The following STAU2 variants were observed in gnomAD, a reference collection of about 807,000 sequenced individuals.
STAU2 encodes staufen double-stranded RNA binding protein 2.
A neutral mutation model predicts 65.9 loss-of-function variants in STAU2; 20 were observed. The ratio of observed to expected loss-of-function variants is 0.30; its 90% CI spans 0.21 to 0.44. The LOEUF is 0.44. STAU2 is among the 20% of genes least tolerant of loss of function. The pLI, the probability that STAU2 is intolerant of heterozygous loss-of-function variation, is 1.00. For synonymous variants in STAU2, 232 were observed against 233.9 expected (o/e 0.99, Z 0.07); for missense variants, 558 against 683.9 (o/e 0.82, Z 2.05).
chr8:73,447,337 C>CATA (rs1187187741), intron 13 of STAU2, among the ~76,000 whole-genome samples: 1 of 152,162 alleles, frequency 6.6e-6, no homozygotes, highest in Non-Finnish European at 1.5e-5. Context: ...TTTTTTCCCA[C>CATA]ATAATAATAA....
At chr8:73,615,258 T>A (rs1812747728) in intron 8 of STAU2, among the ~76,000 whole-genome samples, 1 of 152,148 alleles carries the variant, frequency 6.6e-6, no homozygotes, top group South Asian at 2.1e-4. Flanking sequence ...GGTGATTTTG[T>A]TAGTTGAGGT....
chr8:73,619,142 T>C (rs1159094929), intron 6 of STAU2, among the ~76,000 whole-genome samples: 2 of 152,102 alleles, frequency 1.3e-5, no homozygotes, highest in Non-Finnish European at 2.9e-5. Context: ...AGGCATAATA[T>C]AATGAGAACT....
intron 13 of STAU2, among the ~76,000 whole-genome samples, chr8:73,436,435 C>G (rs141335597): frequency 6.6e-6 from 1 of 151,472 alleles, no homozygotes; most frequent in South Asian, 2.1e-4. Context: ...TGATTTTACA[C>G]GTATATTTAT....
intron 3 of STAU2, among the ~76,000 whole-genome samples, chr8:73,722,197 T>A (rs981014281): frequency 6.6e-6 from 1 of 152,216 alleles, no homozygotes; most frequent in African/African-American, 2.4e-5. Context: ...CCCTGCCTTT[T>A]AGCTATTGTT....
At chr8:73,730,852 T>C (rs112467441) in intron 3 of STAU2, among the ~76,000 whole-genome samples, 2,164 of 152,270 alleles carry the variant, frequency 0.014, 47 homozygotes, top group African/African-American at 0.049. Flanking sequence ...AGTCCCTTAC[T>C]GATATTCTGT....
intron 12 of STAU2, among the ~76,000 whole-genome samples, chr8:73,554,199 C>A (rs1443288362): frequency 6.6e-6 from 1 of 152,200 alleles, no homozygotes; most frequent in Non-Finnish European, 1.5e-5. Context: ...ATTCTTCAGG[C>A]AACTCCCAGA....
rs1257529194 is a variant in STAU2 at position 73,689,921 on chromosome 8, A to T, written c.115-1108T>A. On this transcript the variant is annotated intron_variant, in intron 4 of 14. Transcript: ENST00000524300. The stretch of plus-strand genomic sequence containing the variant: ...GTTTAATCTGAATCTAATCACAGGG[A>T]AACAACCAGAGAGATCTAGATTATG... Among the ~76,000 whole-genome samples, 3 of 152,030 alleles carry T rather than the reference A, an allele frequency of 2.0e-5. No homozygotes were observed. In the East Asian group the frequency reaches 5.8e-4, roughly 29 times the overall value.
chr8:73,614,504 G>GA (rs1205102912), intron 8 of STAU2, among the ~76,000 whole-genome samples: 1 of 152,094 alleles, frequency 6.6e-6, no homozygotes, highest in African/African-American at 2.4e-5. Flanking sequence ...CTTGTGACAC[G>GA]ATTTTAAAAA....
chr8:73,684,803 A>G (rs184818370), intron 5 of STAU2, among the ~76,000 whole-genome samples: 1 of 152,346 alleles, frequency 6.6e-6, no homozygotes, highest in Non-Finnish European at 1.5e-5. Context: ...ACACGAATAG[A>G]TAATTCTCAA....
chr8:73,556,754 T>A (rs945206905), intron 12 of STAU2, among the ~76,000 whole-genome samples: 8 of 151,960 alleles, frequency 5.3e-5, no homozygotes, highest in Admixed American at 1.3e-4. Flanking sequence ...CAAAAAAAAA[T>A]CTTTGCCAGT....
rs775298605 is a variant in STAU2, at chr8:73,497,212, GC to G, written c.1530+54799del. Among the ~76,000 whole-genome samples the G allele has an allele frequency of 4.7e-4, 72 of 151,614 alleles. 1 individual carries two copies. Among genetic ancestry groups the G allele is most frequent in the Non-Finnish European group, 8.1e-4 (55 of 67,744 alleles). ...ATTGGCTTAAGTCTATTAAATAATTGCCAAGTCCCCATTTCACATTCTATGA... is the reference window on the plus strand; with the variant it reads ...ATTGGCTTAAGTCTATTAAATAATTGCAAGTCCCCATTTCACATTCTATGA... On this transcript the variant is annotated intron_variant, in intron 13 of 14. Coordinates refer to ENST00000524300, the MANE Select transcript of STAU2 (RefSeq NM_001164380.2).
At chr8:73,646,118 G>A (rs1464938036) in intron 6 of STAU2, among the ~76,000 whole-genome samples, 1 of 151,988 alleles carries the variant, frequency 6.6e-6, no homozygotes, top group Non-Finnish European at 1.5e-5. Flanking sequence ...TAATTACCTA[G>A]AACTAATAAG....
intron 12 of STAU2, among the ~76,000 whole-genome samples, chr8:73,578,643 CTTTG>C (rs1809757612): frequency 6.6e-6 from 1 of 152,182 alleles, no homozygotes; most frequent in Non-Finnish European, 1.5e-5. Flanking sequence ...TTTACGGGAC[CTTTG>C]TTTGAAAACA....
At chr8:73,629,415 C>A (rs1358881125) in intron 6 of STAU2, among the ~76,000 whole-genome samples, 1 of 152,140 alleles carries the variant, frequency 6.6e-6, no homozygotes, top group Non-Finnish European at 1.5e-5. Flanking sequence ...TTACAAAACA[C>A]TTTATCCTCT....
At chr8:73,641,276 T>C (rs896172450) in intron 6 of STAU2, among the ~76,000 whole-genome samples, 2 of 152,062 alleles carry the variant, frequency 1.3e-5, no homozygotes, top group African/African-American at 4.8e-5. Context: ...GGAGGATGGC[T>C]TGACCCCAGA....
intron 13 of STAU2, among the ~76,000 whole-genome samples, chr8:73,541,311 A>G (rs1806527907): frequency 1.3e-5 from 2 of 152,196 alleles, no homozygotes; most frequent in Admixed American, 6.5e-5. Context: ...GGCTTTCACT[A>G]TATGATGCAG....
intron 12 of STAU2, among the ~76,000 whole-genome samples, chr8:73,570,868 A>C (rs35618203): frequency 0.23 from 35,237 of 152,174 alleles, 4,892 homozygotes; most frequent in East Asian, 0.32. Flanking sequence ...TAAGTGAAGG[A>C]GAAATAAAAT....
chr8:73,559,439 C>T (rs1808029536), intron 12 of STAU2, among the ~76,000 whole-genome samples: 1 of 152,242 alleles, frequency 6.6e-6, no homozygotes, highest in Admixed American at 6.5e-5. Flanking sequence ...GACAACTTTG[C>T]TCACGGCCTT....
intron 3 of STAU2, among the ~76,000 whole-genome samples, chr8:73,716,790 T>C (rs1821281603): frequency 1.3e-5 from 2 of 152,278 alleles, no homozygotes; most frequent in Admixed American, 1.3e-4. Context: ...AAGTTACTGA[T>C]TAGACATATG....
Sources: allele counts gnomAD v4.1 joint callset (sites outside exome capture counted in the v4.1 genomes callset), GRCh38; gene constraint gnomAD v4.1.1; transcripts MANE v1.5; gene names NCBI Gene and HGNC (gene_info 2026-07-23, HGNC 2026-07-21).